Variants in RBBP9 observed in about 807,000 individuals in gnomAD.
RBBP9 encodes the protein serine hydrolase RBBP9.
RBBP9 carries 20 observed loss-of-function variants against 24.2 expected under a neutral mutation model. That is an observed-to-expected ratio of 0.83 (90% CI 0.58 to 1.20). The LOEUF (loss-of-function observed/expected upper bound fraction) is 1.20, where lower values mean the gene tolerates loss of function less well. Among genes scored for constraint, RBBP9 ranks in the 50% most tolerant of loss-of-function variants. The probability of loss-of-function intolerance (pLI) is 0.00; values close to 1 mark genes in which losing one functional copy is unlikely to be tolerated. For missense variants in RBBP9, 234 were observed against 233.6 expected (o/e 1.00, Z -0.01); for synonymous variants, 74 against 84.6 (o/e 0.87, Z 0.69).
intron 3 of RBBP9, among the ~76,000 whole-genome samples, chr20:18,493,673 A>G (rs570068020): frequency 2.2e-4 from 33 of 152,196 alleles, no homozygotes; most frequent in Middle Eastern, 6.8e-3. Context: ...CTGGGAGGAG[A>G]GAAGGAGAGT....
chr20:18,496,201 A>C (rs1008766670), intron 1 of RBBP9, among the ~76,000 whole-genome samples: 2 of 152,224 alleles, frequency 1.3e-5, no homozygotes, highest in African/African-American at 2.4e-5. Flanking sequence ...ACTGTGTTCC[A>C]GGGAGTAGGT....
chr20:18,492,606 C>T (rs2059870321), intron 3 of RBBP9, among the ~76,000 whole-genome samples: 1 of 152,184 alleles, frequency 6.6e-6, no homozygotes. Flanking sequence ...GTGATATCCA[C>T]CTGATTTCTC....
In RBBP9 at chr20:18,494,155, C is replaced by T. The variant is rs60200061; in HGVS notation, c.143-92G>A. ...ACCTTTCAAACAGGCAACTATTCAG[C>T]AGTTCACAACTTTTAAAACTGCAGG... is the stretch of plus-strand genomic sequence containing the variant. On this transcript the variant is annotated intron_variant, in intron 2 of 4. Transcript: ENST00000337227. 1.8e-3 allele frequency: 1,742 copies of T among 951,762 alleles called. 33 individuals are homozygous for T. In the Admixed American group the frequency reaches 0.032, roughly 18 times the overall value. 59.0% of individuals were successfully genotyped at this position (951,762 alleles called of 1,614,324 possible). A position where few individuals can be genotyped will look rare whatever the true frequency, so the allele number is the denominator to read the frequency against.
At position 18,487,151 on chromosome 20, in the gene RBBP9, A is replaced by G. The variant is rs947613533; in HGVS notation, c.*2613T>C. 6.6e-6 allele frequency: 1 copy of G among 152,222 alleles called. No individual in the cohort carries two copies. The highest frequency in any genetic ancestry group is 6.5e-5 in the Admixed American group (1 of 15,290). The allele number at this position is 152,222 out of a possible 1,614,324, so 9.4% of individuals were successfully genotyped here. ...TTGGCTGGTCAGTAAGGTAACCAAT[A>G]GCCACCAGTGGCTGTTGAGCACTTG... On this transcript the variant is annotated 3_prime_UTR_variant, in exon 5 of 5. Coordinates refer to ENST00000337227, the MANE Select transcript of RBBP9 (RefSeq NM_006606.3).
rs1304719545 is a variant in RBBP9, at chr20:18,497,120, C to A, written c.48G>T (p.Gly16=). 6.2e-7 allele frequency: 1 copy of A among 1,614,190 alleles called. No homozygotes were observed. Among genetic ancestry groups the A allele is most frequent in the Non-Finnish European group, 8.5e-7 (1 of 1,180,018 alleles). ...KAVIVPGNGG[G]DVTTHGWYGW... ...CATACCAGCCGTGGGTGGTCACATC[C>A]CCGCCTCCGTTCCCGGGAACAATCA... The change falls in exon 1 of 5, where the codon GGG becomes GGT. Residue 16 remains glycine (G), a synonymous_variant. Coordinates refer to ENST00000337227, the MANE Select transcript of RBBP9 (RefSeq NM_006606.3).
At chr20:18,491,723 G>C (rs996535409) in intron 3 of RBBP9, among the ~76,000 whole-genome samples, 1 of 152,168 alleles carries the variant, frequency 6.6e-6, no homozygotes, top group Non-Finnish European at 1.5e-5. Context: ...GAAAGAGTTA[G>C]GGTTGGTATT....
At position 18,489,793 on chromosome 20, in the gene RBBP9, C is replaced by G; in HGVS notation, c.532G>C (p.Val178Leu). 1.9e-6 allele frequency: 3 copies of G among 1,612,942 alleles called. No individual in the cohort carries two copies. Among genetic ancestry groups the G allele is most frequent in the African/African-American group, 1.3e-5 (1 of 75,056 alleles). Residue 178 changes from valine (V) to leucine (L), a missense_variant, in exon 5 of 5, where the codon GTA (valine) becomes CTA (leucine). Physicochemically the swap from Val to Leu is conservative, Grantham distance 32. Transcript: ENST00000337227. ...NTEFHELITV[V>L]KSLLKVPA ...GCTGGTACTTTCAGCAAAGACTTTACAACAGTAATCAGTTCATGAAACTCT... is the reference window on the plus strand; with the variant it reads ...GCTGGTACTTTCAGCAAAGACTTTAGAACAGTAATCAGTTCATGAAACTCT...
intron 4 of RBBP9, 150 bp from the exon 5 acceptor site, chr20:18,490,140 G>C: frequency 1.5e-6 from 1 of 659,244 alleles, no homozygotes; most frequent in Non-Finnish European, 2.6e-6. Flanking sequence ...AAATCTGTAG[G>C]GCTTGATACC....
chr20:18,496,930 G>C, intron 1 of RBBP9, 139 bp downstream of exon 1: 1 of 677,854 alleles, frequency 1.5e-6, no homozygotes, highest in East Asian at 2.8e-5. Context: ...TTTAAGAGAA[G>C]GCAGCGGGGG....
rs1376975579 is a variant in RBBP9 at position 18,490,454 on chromosome 20, G to A, written c.275C>T (p.Ala92Val). Residue 92 changes from alanine (A) to valine (V), a missense_variant, in exon 4 of 5, where the codon GCT becomes GTT. Physicochemically the swap from Ala to Val is moderately conservative, Grantham distance 64. Transcript: ENST00000337227. ...TGTGTACGCAGACACTAATACAATA[G>A]CATATACTCGATGTGTTTCTGCATA... ...MRYAETHRVY[A>V]IVLVSAYTSD... 1 of 1,613,258 alleles carries A rather than the reference G, an allele frequency of 6.2e-7. No individual in the cohort carries two copies.
chr20:18,486,590 G>C lies in RBBP9; in HGVS notation c.*3174C>G, dbSNP rs970080827. ...TCTGAAAATTAACTGAAGGAGACAA[G>C]AGACAATTTAAAATTACAGCACCTC... On this transcript the variant is annotated 3_prime_UTR_variant, in exon 5 of 5. Transcript: ENST00000337227. 9.2e-5 allele frequency: 14 copies of C among 152,178 alleles called. No homozygotes were observed. In the East Asian group the frequency reaches 2.3e-3, roughly 25 times the overall value. The allele number at this position is 152,178 out of a possible 1,614,324, so 9.4% of individuals were successfully genotyped here. A position where few individuals can be genotyped will look rare whatever the true frequency, so the allele number is the denominator to read the frequency against.
chr20:18,493,669 G>A (rs755655142), intron 3 of RBBP9, among the ~76,000 whole-genome samples: 3 of 152,182 alleles, frequency 2.0e-5, no homozygotes, highest in African/African-American at 4.8e-5. Flanking sequence ...CTGGCTGGGA[G>A]GAGAGAAGGA....
At chr20:18,495,352 TGCAA>T (rs909301499) in intron 2 of RBBP9, among the ~76,000 whole-genome samples, 2 of 146,938 alleles carry the variant, frequency 1.4e-5, no homozygotes, top group Admixed American at 1.4e-4. Context: ...TTAAGGGCGG[TGCAA>T]GATGTGCTTT....
chr20:18,497,163 G>C lies in RBBP9; in HGVS notation c.5C>G (p.Ala2Gly), dbSNP rs777040213. MASPSKAVIVPG... is the reference protein window; with the variant it reads MGSPSKAVIVPG... ...AACAATCACTGCCTTGCTAGGAGAA[G>C]CCATGAGTGCAGCGAGGCCAGAGTT... The change falls in exon 1 of 5, where the codon GCT becomes GGT. Residue 2 changes from alanine to glycine, a missense_variant. Ala to Gly is a moderately conservative substitution (Grantham distance 60, BLOSUM62 0). Transcript: ENST00000337227. 2.7e-5 allele frequency: 43 copies of C among 1,613,320 alleles called. No individual in the cohort carries two copies. Among genetic ancestry groups the C allele is most frequent in the Non-Finnish European group, 3.3e-5 (39 of 1,179,434 alleles).
chr20:18,497,016 C>T, intron 1 of RBBP9, 53 bp downstream of exon 1: 1 of 1,489,048 alleles, frequency 6.7e-7, no homozygotes. Context: ...AGTCCTCTCC[C>T]GCCGTCCCTC....
chr20:18,495,589 A>C (rs1396471487), intron 2 of RBBP9, among the ~76,000 whole-genome samples: 53 of 15,478 alleles, frequency 3.4e-3, no homozygotes, highest in Non-Finnish European at 0.013. Context: ...ATCAATAAAT[A>C]AATAAATAAA....
rs1440853303 is a variant in RBBP9 at position 18,497,076 on chromosome 20, A to G, written c.92T>C (p.Leu31Pro). The change falls in exon 1 of 5, where the codon CTG (leucine) becomes CCG (proline). Residue 31 changes from leucine (L) to proline (P), a missense_variant. Coordinates refer to ENST00000337227, the MANE Select transcript of RBBP9 (RefSeq NM_006606.3). ...HGWYGWVKKE[L>P]EKIPGFQCLA... ...GCGGCGTTGGGCGCTTACCTTCTCC[A>G]GCTCCTTTTTCACCCAGCCATACCA... 6.2e-7 allele frequency: 1 copy of G among 1,613,820 alleles called. No individual in the cohort carries two copies. Among genetic ancestry groups the G allele is most frequent in the East Asian group, 2.2e-5 (1 of 44,878 alleles).
rs1372509470 is a variant in RBBP9 at position 18,497,198 on chromosome 20, G to A, written c.-31C>T. 7.0e-6 allele frequency: 11 copies of A among 1,571,658 alleles called. No individual in the cohort carries two copies. Among genetic ancestry groups the A allele is most frequent in the South Asian group, 1.1e-5 (1 of 89,710 alleles). ...CAGCGAGGCCAGAGTTCCCCAGCGC[G>A]GGTCCAGCGGAGCTGAGCCCAGCCT... is the stretch of plus-strand genomic sequence containing the variant. On this transcript the variant is annotated 5_prime_UTR_variant, in exon 1 of 5. Coordinates refer to ENST00000337227, the MANE Select transcript of RBBP9 (RefSeq NM_006606.3).
intron 2 of RBBP9, among the ~76,000 whole-genome samples, chr20:18,495,313 T>C (rs1343180565): frequency 2.1e-5 from 3 of 145,840 alleles, no homozygotes; most frequent in Non-Finnish European, 4.5e-5. Context: ...CTCTGAAACA[T>C]GTGCTGTGTC....
Sources: gnomAD v4.1 joint callset for allele counts (sites outside exome capture counted in the v4.1 genomes callset) on GRCh38, gnomAD v4.1.1 for gene constraint, MANE v1.5 for transcripts, NCBI Gene and HGNC (gene_info 2026-07-23, HGNC 2026-07-21) for gene names.